The following SETMAR variants were observed in gnomAD, a reference collection of about 807,000 sequenced individuals.
The protein encoded by SETMAR is SET and mariner transposase domain methyltransferase, also known as histone-lysine N-methyltransferase SETMAR.
In SETMAR, 44 loss-of-function variants were observed where a neutral mutation model predicts 58.4. The ratio of observed to expected loss-of-function variants is 0.75; its 90% CI spans 0.59 to 0.97. The LOEUF (loss-of-function observed/expected upper bound fraction) is 0.97. SETMAR is among the 50% of genes least tolerant of loss of function. The pLI is 0.00. For missense variants in SETMAR, 903 were observed against 840.2 expected (o/e 1.07, Z -0.92); for synonymous variants, 332 against 307.4 (o/e 1.08, Z -0.84).
In SETMAR at chr3:4,316,662, C is replaced by T. The variant is rs767314686; in HGVS notation, c.1471C>T (p.Arg491Trp). Residue 491 changes from arginine (R) to tryptophan (W), a missense_variant, in exon 3 of 3, where the codon CGG becomes TGG. Transcript: ENST00000358065. ...LRNHNEPFLD[R>W]IVTCDEKWIL... is the part of the protein sequence containing the mutation. Reference sequence around the variant, plus strand: ...CAACCACAACGAACCATTTCTCGATCGGATTGTGACGTGTGATGAAAAGTG... The same window carrying T: ...CAACCACAACGAACCATTTCTCGATTGGATTGTGACGTGTGATGAAAAGTG... The T allele has an allele frequency of 9.0e-6, 14 of 1,551,024 alleles. No homozygotes were observed. The highest frequency in any genetic ancestry group is 5.9e-5 in the South Asian group (5 of 84,052).
chr3:4,316,104 A>T, intron 2 of SETMAR, 108 bp from the exon 3 acceptor site: 1 of 498,616 alleles, frequency 2.0e-6, no homozygotes, highest in Non-Finnish European at 3.6e-6. Context: ...TTGGTATTTG[A>T]TATTGGAATA....
chr3:4,316,905 C>T lies in SETMAR; in HGVS notation c.1714C>T (p.Arg572Cys), dbSNP rs755420652. Residue 572 changes from arginine to cysteine, a missense_variant, in exon 3 of 3, where the codon CGC (arginine) becomes TGC (cysteine). Arg to Cys is a radical substitution (Grantham distance 180). Coordinates refer to ENST00000358065, the MANE Select transcript of SETMAR (RefSeq NM_006515.4). ...CGATGAGATGAACCAAAAACTGCAA[C>T]GCCTGCAGCTGGCATTGGTCAACAG... ...EIDEMNQKLQ[R>C]LQLALVNRKG... 2.1e-5 allele frequency: 32 copies of T among 1,549,248 alleles called. 1 individual carries two copies. The highest frequency in any genetic ancestry group is 1.3e-4 in the South Asian group (11 of 83,974).
rs1459912115 is a variant in SETMAR at position 4,316,802 on chromosome 3, G to T, written c.1611G>T (p.Trp537Cys). Residue 537 changes from tryptophan (W) to cysteine (C), a missense_variant, in exon 3 of 3, where the codon TGG (tryptophan) becomes TGT (cysteine). Coordinates refer to ENST00000358065, the MANE Select transcript of SETMAR (RefSeq NM_006515.4). ...HPKKVMVTIW[W>C]SAAGLIHYSF... ...AAAAGGTCATGGTCACTATTTGGTG[G>T]TCTGCTGCTGGTCTGATCCACTACA... 8 of 1,550,618 alleles carry T rather than the reference G, an allele frequency of 5.2e-6. No homozygotes were observed. The highest frequency in any genetic ancestry group is 2.4e-5 in the East Asian group (1 of 40,922).
chr3:4,314,750 C>T (rs1698568780), intron 2 of SETMAR, among the ~76,000 whole-genome samples: 1 of 152,136 alleles, frequency 6.6e-6, no homozygotes, highest in African/African-American at 2.4e-5. Context: ...TAACTACCTT[C>T]CTTAAAGCAG....
chr3:4,316,156 ATTTC>A, intron 2 of SETMAR, 52 bp from the exon 3 acceptor site: 2 of 627,800 alleles, frequency 3.2e-6, no homozygotes, highest in Non-Finnish European at 5.8e-6. Context: ...TTTAATGAGC[ATTTC>A]TTTATGTTTT....
In SETMAR at chr3:4,304,997, A is replaced by G. The variant is rs149517544; in HGVS notation, c.156+1471A>G. Among the ~76,000 whole-genome samples, 92 of 152,252 alleles carry G rather than the reference A, an allele frequency of 6.0e-4. No individual in the cohort carries two copies. In the East Asian group the frequency reaches 0.015, roughly 24 times the overall value. On this transcript the variant is annotated intron_variant, in intron 1 of 2. Transcript: ENST00000358065. ...TGGGGGGGGCTTCCAGACTATAGGT[A>G]GATTTTAATTTTTCTGGTTAACAAT...
chr3:4,316,075 GTT>G (rs1698630233), intron 2 of SETMAR, 135 bp from the exon 3 acceptor site: 1 of 482,414 alleles, frequency 2.1e-6, no homozygotes, highest in Admixed American at 3.4e-5. Context: ...AAAAGTAACA[GTT>G]TTTGCATTGT....
chr3:4,313,903 T>A (rs1698530668), intron 2 of SETMAR, 142 bp downstream of exon 2: 1 of 1,408,256 alleles, frequency 7.1e-7, no homozygotes. Context: ...TCCTTTCCCC[T>A]TTCTGTAATA....
At position 4,313,678 on chromosome 3, in the gene SETMAR, A is replaced by T; in HGVS notation, c.937A>T (p.Ile313Phe). 6.2e-7 allele frequency: 1 copy of T among 1,614,046 alleles called. No homozygotes were observed. Among genetic ancestry groups the T allele is most frequent in the Non-Finnish European group, 8.5e-7 (1 of 1,179,970 alleles). Residue 313 changes from isoleucine (I) to phenylalanine (F), a missense_variant, in exon 2 of 3, where the codon ATC (isoleucine) becomes TTC (phenylalanine). Physicochemically the swap from Ile to Phe is conservative, Grantham distance 21. Coordinates refer to ENST00000358065, the MANE Select transcript of SETMAR (RefSeq NM_006515.4). ...SLYCPVEKSN[I>F]SCGNEKEPSM... ...GTACTGCCCCGTAGAAAAGTCGAAC[A>T]TCAGTTGTGGAAATGAGAAGGAACC...
rs1234159449 is a variant in SETMAR, at chr3:4,312,974, T to C, written c.233T>C (p.Val78Ala). ...TQITFPGCIC[V>A]KTPCLPGTCS... ...ATAACCTTTCCCGGATGCATTTGTG[T>C]CAAAACTCCCTGCCTCCCTGGCACT... Residue 78 changes from valine to alanine, a missense_variant, in exon 2 of 3, where the codon GTC becomes GCC. Val to Ala is a moderately conservative substitution (Grantham distance 64). Transcript: ENST00000358065. 6.2e-7 allele frequency: 1 copy of C among 1,614,006 alleles called. No homozygotes were observed.
chr3:4,317,082 A>G lies in SETMAR; in HGVS notation c.1891A>G (p.Asn631Asp). 6.5e-7 allele frequency: 1 copy of G among 1,543,864 alleles called. No homozygotes were observed. The highest frequency in any genetic ancestry group is 8.8e-7 in the Non-Finnish European group (1 of 1,141,708). Residue 631 changes from asparagine (N) to aspartate (D), a missense_variant, in exon 3 of 3, where the codon AAC becomes GAC. Asn to Asp is a conservative substitution (Grantham distance 23). Coordinates refer to ENST00000358065, the MANE Select transcript of SETMAR (RefSeq NM_006515.4). ...CAACTACCACGTCTTTAAGCATCTC[A>G]ACAACTTTTTGCAGGGAAAACGCTT... ...PTNYHVFKHL[N>D]NFLQGKRFHN...
At position 4,303,390 on chromosome 3, in the gene SETMAR, A is replaced by T; in HGVS notation, c.20A>T (p.Lys7Met). 1 of 1,559,080 alleles carries T rather than the reference A, an allele frequency of 6.4e-7. No individual in the cohort carries two copies. ...GGGTAAATGTTCGCGGAAGCGGCAA[A>T]GACGACACGGCCTTGTGGGATGGCG... MFAEAAKTTRPCGMAEF... is the reference protein window; with the variant it reads MFAEAAMTTRPCGMAEF... Residue 7 changes from lysine (K) to methionine (M), a missense_variant, in exon 1 of 3, where the codon AAG becomes ATG. Transcript: ENST00000358065.
intron 1 of SETMAR, among the ~76,000 whole-genome samples, chr3:4,307,694 G>C (rs368000423): frequency 6.6e-6 from 1 of 152,036 alleles, no homozygotes; most frequent in Non-Finnish European, 1.5e-5. Flanking sequence ...TCTGTGCTTT[G>C]ATACATACGA....
intron 1 of SETMAR, among the ~76,000 whole-genome samples, chr3:4,309,096 T>A (rs1698305079): frequency 6.6e-6 from 1 of 152,220 alleles, no homozygotes; most frequent in African/African-American, 2.4e-5. Context: ...AAGGAATTGT[T>A]ATTGTCTAAA....
chr3:4,316,358 G>A lies in SETMAR; in HGVS notation c.1167G>A (p.Trp389Ter), dbSNP rs765542843. The change falls in exon 3 of 3, where the codon TGG becomes TGA. Residue 389 changes from tryptophan to a stop codon, truncating the protein, a stop_gained. Transcript: ENST00000358065. LOFTEE classifies it high-confidence loss of function. The stretch of plus-strand genomic sequence containing the variant: ...CTAACGAACGTACAGTGCAGTGGTG[G>A]TTCAAGAAGTTTTGCAAAGGAGATG... Reference protein sequence around the residue: ...GTANERTVQWWFKKFCKGDES... With the variant: ...GTANERTVQW 6.5e-7 allele frequency: 1 copy of A among 1,529,564 alleles called. No homozygotes were observed. Among genetic ancestry groups the A allele is most frequent in the East Asian group, 2.4e-5 (1 of 40,962 alleles). 94.7% of individuals were successfully genotyped at this position (1,529,564 alleles called of 1,614,324 possible).
intron 1 of SETMAR, among the ~76,000 whole-genome samples, chr3:4,310,437 G>A (rs1359699554): frequency 6.6e-6 from 1 of 152,106 alleles, no homozygotes; most frequent in African/African-American, 2.4e-5. Flanking sequence ...AGGAGAAATG[G>A]AAACATGAAG....
chr3:4,315,779 GC>G (rs1168106028), intron 2 of SETMAR, among the ~76,000 whole-genome samples: 4 of 152,016 alleles, frequency 2.6e-5, no homozygotes, highest in Non-Finnish European at 5.9e-5. Context: ...GGGTGCAGTG[GC>G]TCACACCTGT....
intron 1 of SETMAR, among the ~76,000 whole-genome samples, chr3:4,312,649 C>T (rs1432333268): frequency 6.7e-6 from 1 of 149,044 alleles, no homozygotes; most frequent in Non-Finnish European, 1.5e-5. Context: ...TTACAGTGAA[C>T]TGTGATCACA....
chr3:4,313,664 T>A lies in SETMAR; in HGVS notation c.923T>A (p.Val308Glu). 6.2e-7 allele frequency: 1 copy of A among 1,613,996 alleles called. No homozygotes were observed. Reference protein sequence around the residue: ...LPFDSSLYCPVEKSNISCGNE... With the variant: ...LPFDSSLYCPEEKSNISCGNE... ...TTTGACAGTTCTCTGTACTGCCCCG[T>A]AGAAAAGTCGAACATCAGTTGTGGA... The change falls in exon 2 of 3, where the codon GTA becomes GAA. Residue 308 changes from valine to glutamate, a missense_variant. Physicochemically the swap from Val to Glu is moderately radical, Grantham distance 121. Transcript: ENST00000358065.
Sources: allele counts gnomAD v4.1 joint callset (sites outside exome capture counted in the v4.1 genomes callset), GRCh38; gene constraint gnomAD v4.1.1; transcripts MANE v1.5; gene names NCBI Gene and HGNC (gene_info 2026-07-23, HGNC 2026-07-21).